Variants in TP63 observed in about 807,000 individuals in gnomAD.
TP63 encodes the protein tumor protein p63, also known as tumor protein 63.
TP63 carries 17 observed loss-of-function variants against 82.8 expected under a neutral mutation model. The ratio of observed to expected loss-of-function variants is 0.21; its 90% confidence interval spans 0.14 to 0.31. The LOEUF (loss-of-function observed/expected upper bound fraction) is 0.31. Ranked by LOEUF, TP63 falls within the 10% of genes least tolerant of loss-of-function variation. The pLI is 1.00. For missense variants in TP63, 648 were observed against 895.3 expected (o/e 0.72, Z 3.52); for synonymous variants, 330 against 321.7 (o/e 1.03, Z -0.28).
At chr3:189,706,877 A>T (rs1240328252) in intron 1 of TP63, among the ~76,000 whole-genome samples, 2 of 152,158 alleles carry the variant, frequency 1.3e-5, no homozygotes, top group Middle Eastern at 3.4e-3. Context: ...GTCCAAATAG[A>T]CAATCCAAAT....
At chr3:189,873,174 T>G (rs1484825107) in intron 10 of TP63, 179 bp downstream of exon 10, 2 of 809,516 alleles carry the variant, frequency 2.5e-6, no homozygotes, top group African/African-American at 1.7e-5. Flanking sequence ...TGTCTTATTA[T>G]AACCTTCCCT....
chr3:189,788,062 T>G lies in TP63; in HGVS notation c.325-20210T>G, dbSNP rs554322156. 2.5e-4 allele frequency among the ~76,000 whole-genome samples: 38 copies of G among 150,088 alleles called. No individual in the cohort carries two copies. The South Asian group carries it at 7.6e-3, about 30-fold the overall frequency. ...GAATTTAGACACATTGTACAAAAAATTATACTGTATTTTGTAAGTAGGTTT... is the reference window on the plus strand; with the variant it reads ...GAATTTAGACACATTGTACAAAAAAGTATACTGTATTTTGTAAGTAGGTTT... On this transcript the variant is annotated intron_variant, in intron 3 of 13. Transcript: ENST00000264731.
chr3:189,645,874 A>G (rs545560965), intron 1 of TP63, among the ~76,000 whole-genome samples: 1 of 147,480 alleles, frequency 6.8e-6, no homozygotes, highest in African/African-American at 2.5e-5. Context: ...CATGGAATAT[A>G]CACCACATTA....
rs1720947357 is a variant in TP63 at position 189,890,865 on chromosome 3, G to C, written c.1729G>C (p.Glu577Gln). The stretch of plus-strand genomic sequence containing the variant: ...GGGGCTGACCACCATCTATCAGATT[G>C]AGCATTACTCCATGGATGTAAGTAA... ...TQGLTTIYQIEHYSMDDLASL... is the reference protein window; with the variant it reads ...TQGLTTIYQIQHYSMDDLASL... Residue 577 changes from glutamate to glutamine, a missense_variant, in exon 13 of 14, where the codon GAG becomes CAG. Glu to Gln is a conservative substitution (Grantham distance 29, BLOSUM62 2). Around this residue, in one of 5 missense-constraint regions of TP63, gnomAD observed 342 missense variants for 425.7 expected, o/e 0.80. Coordinates refer to ENST00000264731, the MANE Select transcript of TP63 (RefSeq NM_003722.5). 2.5e-6 allele frequency: 4 copies of C among 1,613,852 alleles called. No individual in the cohort carries two copies. Among genetic ancestry groups the C allele is most frequent in the Non-Finnish European group, 3.4e-6 (4 of 1,179,958 alleles).
At chr3:189,695,314 C>G (rs1246216805) in intron 1 of TP63, among the ~76,000 whole-genome samples, 1 of 150,490 alleles carries the variant, frequency 6.6e-6, no homozygotes, top group African/African-American at 2.5e-5. Flanking sequence ...TCCTGTGTCC[C>G]TTTGATATAC....
chr3:189,716,868 G>A (rs372756006), intron 1 of TP63, among the ~76,000 whole-genome samples: 5 of 151,738 alleles, frequency 3.3e-5, no homozygotes, highest in South Asian at 4.2e-4. Context: ...GCGCAATCTC[G>A]GCTCATTGCA....
chr3:189,696,344 C>A (rs577908726), intron 1 of TP63, among the ~76,000 whole-genome samples: 1 of 152,190 alleles, frequency 6.6e-6, no homozygotes, highest in East Asian at 1.9e-4. Context: ...AGCAGTATAC[C>A]TGTAAGATTA....
At chr3:189,864,455 T>C (rs954483931) in intron 5 of TP63, 37 bp downstream of exon 5, 1 of 1,592,358 alleles carries the variant, frequency 6.3e-7, no homozygotes, top group African/African-American at 1.3e-5. Flanking sequence ...TTCAACCTCC[T>C]TGAAGGTCAA....
chr3:189,886,051 T>G (rs1036643450), intron 10 of TP63, among the ~76,000 whole-genome samples: 1 of 152,228 alleles, frequency 6.6e-6, no homozygotes, highest in Non-Finnish European at 1.5e-5. Flanking sequence ...TAACTGCTTT[T>G]CAAACTCATT....
chr3:189,831,337 C>T (rs529867176), intron 4 of TP63, among the ~76,000 whole-genome samples: 4 of 152,210 alleles, frequency 2.6e-5, no homozygotes, highest in African/African-American at 9.6e-5. Flanking sequence ...AAATCTATTG[C>T]AGAGGGCAGA....
chr3:189,830,626 CTGT>C (rs956085347), intron 4 of TP63, among the ~76,000 whole-genome samples: 22 of 151,992 alleles, frequency 1.4e-4, no homozygotes, highest in African/African-American at 5.1e-4. Context: ...GTTGCTGCTG[CTGT>C]TGTTTTATTA....
chr3:189,725,020 G>A (rs755584939), intron 1 of TP63, among the ~76,000 whole-genome samples: 2 of 152,144 alleles, frequency 1.3e-5, no homozygotes, highest in Admixed American at 6.5e-5. Context: ...TTGCACAAAT[G>A]TGTTGCTTAA....
At chr3:189,663,485 C>A (rs1714103010) in intron 1 of TP63, among the ~76,000 whole-genome samples, 1 of 149,482 alleles carries the variant, frequency 6.7e-6, no homozygotes, top group Non-Finnish European at 1.5e-5. Context: ...AACTAAAACA[C>A]CTAATTCATA....
chr3:189,615,385 G>A, the TP63 span, among the ~76,000 whole-genome samples: 7 of 152,184 alleles, frequency 4.6e-5, no homozygotes, highest in Admixed American at 1.3e-4. Context: ...TTAATGTCAC[G>A]TAGGCTTACC....
chr3:189,862,628 T>C (rs1255144229), intron 4 of TP63, among the ~76,000 whole-genome samples: 2 of 152,242 alleles, frequency 1.3e-5, no homozygotes, highest in South Asian at 2.1e-4. Context: ...GGTTAGATTA[T>C]GCGTTATATA....
At chr3:189,655,859 G>C (rs1028743993) in intron 1 of TP63, among the ~76,000 whole-genome samples, 1 of 152,104 alleles carries the variant, frequency 6.6e-6, no homozygotes, top group South Asian at 2.1e-4. Flanking sequence ...TCACTGTAGG[G>C]ATCTGAGTAC....
chr3:189,879,958 A>C (rs917299345), intron 10 of TP63: 2 of 1,458,110 alleles, frequency 1.4e-6, no homozygotes, highest in African/African-American at 2.8e-5. Flanking sequence ...TATTCTGTCT[A>C]TACTATGATC....
At chr3:189,756,851 A>C (rs1313956336) in intron 3 of TP63, among the ~76,000 whole-genome samples, 1 of 152,202 alleles carries the variant, frequency 6.6e-6, no homozygotes, top group Non-Finnish European at 1.5e-5. Context: ...CTCAGACTGT[A>C]TGCATTAGGA....
chr3:189,771,231 T>C (rs1723314649), intron 3 of TP63, among the ~76,000 whole-genome samples: 2 of 145,802 alleles, frequency 1.4e-5, no homozygotes, highest in African/African-American at 2.5e-5. Context: ...TATTGTTTCA[T>C]GTTATTCTAC....
Sources: allele counts gnomAD v4.1 joint callset (sites outside exome capture counted in the v4.1 genomes callset), GRCh38; gene constraint gnomAD v4.1.1; regional missense constraint gnomAD v4.1.1; transcripts MANE v1.5; gene names NCBI Gene and HGNC (gene_info 2026-07-23, HGNC 2026-07-21).